PRKN: variants seen among roughly 807,000 people sequenced by gnomAD.
PRKN encodes the protein E3 ubiquitin-protein ligase parkin.
Under a neutral mutation model 59.5 loss-of-function variants are expected in PRKN, and 56 were observed. That is an observed-to-expected ratio of 0.94 (90% CI 0.76 to 1.18). The LOEUF (loss-of-function observed/expected upper bound fraction) is 1.18. PRKN is among the 50% of genes most tolerant of loss of function. PRKN has a pLI of 0.00. For missense variants in PRKN, 657 were observed against 596.4 expected (o/e 1.10, Z -1.06); for synonymous variants, 250 against 222.1 (o/e 1.13, Z -1.12).
Position 161,447,740 on chromosome 6 carries a change from G to A in PRKN, c.1084-60863C>T, listed in dbSNP as rs1018748814. On this transcript the variant is annotated intron_variant, in intron 9 of 11. Transcript: ENST00000366898. This position sits in a 1 kb window ranked among gnomAD's most constrained non-coding sequence, Gnocchi z 4.1. ...GATCTCCTGACCTCATGATCAGCCCGCCTCGGCCTCCCAATGTGCTGGGAT... is the reference window on the plus strand; with the variant it reads ...GATCTCCTGACCTCATGATCAGCCCACCTCGGCCTCCCAATGTGCTGGGAT... 3.9e-5 allele frequency among the ~76,000 whole-genome samples: 6 copies of A among 152,116 alleles called. No homozygotes were observed. The highest frequency in any genetic ancestry group is 1.3e-4 in the Admixed American group (2 of 15,270).
In PRKN at chr6:161,687,769, T is replaced by C. The variant is rs948824940; in HGVS notation, c.871+98003A>G. On this transcript the variant is annotated intron_variant, in intron 7 of 11. Transcript: ENST00000366898. ...CCGCGCCGGGCCAAGATATATCTAT[T>C]AAAAATATATTAAACATGTTTTCCT... Among the ~76,000 whole-genome samples, 3 of 152,230 alleles carry C rather than the reference T, an allele frequency of 2.0e-5. No individual in the cohort carries two copies. The East Asian group carries it at 5.8e-4, about 30-fold the overall frequency.
chr6:161,490,312 G>T (rs576909889), intron 9 of PRKN, among the ~76,000 whole-genome samples: 1,564 of 24,068 alleles, frequency 0.065, 30 homozygotes, highest in African/African-American at 0.11. Context: ...TTTCTTTCTT[G>T]CTTGCTTGCT....
At chr6:161,976,026 T>C (rs755750966) in intron 5 of PRKN, among the ~76,000 whole-genome samples, 23 of 152,076 alleles carry the variant, frequency 1.5e-4, no homozygotes, top group Non-Finnish European at 2.2e-4. Context: ...CCTCCTTGGC[T>C]TCCCGAGTAG....
chr6:162,566,540 G>T (rs1178455701), intron 1 of PRKN, among the ~76,000 whole-genome samples: 1 of 151,998 alleles, frequency 6.6e-6, no homozygotes, highest in Admixed American at 6.6e-5. Context: ...AGAAGAAGTG[G>T]ACAAATTCCT....
rs146876667 is a variant in PRKN at position 162,217,765 on chromosome 6, C to T, written c.413-16513G>A. Reference sequence around the variant, plus strand: ...TAAGATTCTACTGAGAAGCACAATTCCTATTAGCGCAAGGGAGACAAAAAC... The same window carrying T: ...TAAGATTCTACTGAGAAGCACAATTTCTATTAGCGCAAGGGAGACAAAAAC... On this transcript the variant is annotated intron_variant, in intron 3 of 11. Coordinates refer to ENST00000366898, the MANE Select transcript of PRKN (RefSeq NM_004562.3). Among the ~76,000 whole-genome samples, 10 of 152,200 alleles carry T rather than the reference C, an allele frequency of 6.6e-5. No homozygotes were observed. The East Asian group carries it at 1.5e-3, about 24-fold the overall frequency.
At position 161,355,515 on chromosome 6, in the gene PRKN, T is replaced by C. The variant is rs571587445; in HGVS notation, c.1285+4573A>G. Among the ~76,000 whole-genome samples the C allele has an allele frequency of 3.8e-4, 58 of 152,142 alleles. No individual in the cohort carries two copies. Among genetic ancestry groups the C allele is most frequent in the African/African-American group, 1.1e-3 (46 of 41,514 alleles). On this transcript the variant is annotated intron_variant, in intron 11 of 11. Coordinates refer to ENST00000366898, the MANE Select transcript of PRKN (RefSeq NM_004562.3). The surrounding 1 kb of genome is among the most constrained non-coding windows in gnomAD (Gnocchi z 6.8). ...CTCCTGGGTTCAACCAATTCTTGTG[T>C]CTCGGCCTCCCGAGTAGCTGGGATC...
chr6:162,213,309 C>T (rs996435263), intron 3 of PRKN, among the ~76,000 whole-genome samples: 2 of 152,110 alleles, frequency 1.3e-5, no homozygotes, highest in Non-Finnish European at 2.9e-5. Context: ...AATAATGAAA[C>T]AATCAAGACA....
chr6:161,949,731 T>C (rs566302987), intron 6 of PRKN, among the ~76,000 whole-genome samples: 4 of 152,294 alleles, frequency 2.6e-5, no homozygotes, highest in Admixed American at 2.0e-4. Flanking sequence ...CTTCCAGGGA[T>C]GACTAACCAC....
At chr6:161,437,918 G>A (rs1789001720) in intron 9 of PRKN, among the ~76,000 whole-genome samples, 1 of 152,130 alleles carries the variant, frequency 6.6e-6, no homozygotes, top group Non-Finnish European at 1.5e-5. Flanking sequence ...CCAAAGGCAG[G>A]TTGCTGGTGA....
In PRKN at chr6:161,893,981, T is replaced by C. The variant is rs377606647; in HGVS notation, c.734+79321A>G. ...AATTATTTTTGAATGAACAAACATA[T>C]GAAGTAAAAAGCCACATTCATTATC... On this transcript the variant is annotated intron_variant, in intron 6 of 11. Coordinates refer to ENST00000366898, the MANE Select transcript of PRKN (RefSeq NM_004562.3). Among the ~76,000 whole-genome samples the C allele has an allele frequency of 4.1e-4, 62 of 152,332 alleles. 2 individuals carry two copies. The South Asian group carries it at 0.012, about 30-fold the overall frequency.
intron 1 of PRKN, among the ~76,000 whole-genome samples, chr6:162,705,306 TACC>T (rs1410225581): frequency 2.0e-5 from 3 of 152,300 alleles, no homozygotes; most frequent in South Asian, 2.1e-4. Flanking sequence ...GAAGCAGCTA[TACC>T]ACCACATCAT....
intron 2 of PRKN, among the ~76,000 whole-genome samples, chr6:162,379,647 G>A (rs1786319167): frequency 6.6e-6 from 1 of 152,140 alleles, no homozygotes; most frequent in African/African-American, 2.4e-5. Context: ...TCTGGCTGGT[G>A]AAGCCAAAGG....
At chr6:162,100,735 C>G (rs563928715) in intron 4 of PRKN, among the ~76,000 whole-genome samples, 33 of 152,166 alleles carry the variant, frequency 2.2e-4, no homozygotes, top group Non-Finnish European at 4.6e-4. Context: ...AGCCACCGTG[C>G]CCGGCCATCT....
rs1780064104 is a variant in PRKN, at chr6:161,552,492, T to TG, written c.934-3490_934-3489insC. Among the ~76,000 whole-genome samples, 3 of 113,512 alleles carry TG rather than the reference T, an allele frequency of 2.6e-5. No individual in the cohort carries two copies. The highest frequency in any genetic ancestry group is 8.9e-3 in the Middle Eastern group (2 of 224). The allele number at this position is 113,512 out of a possible 152,430, so 74.5% of individuals were successfully genotyped here. A position where few individuals can be genotyped will look rare whatever the true frequency, so the allele number is the denominator to read the frequency against. On this transcript the variant is annotated intron_variant, in intron 8 of 11. Transcript: ENST00000366898. The surrounding 1 kb of genome is among the most constrained non-coding windows in gnomAD (Gnocchi z 4.9). ...ACTGTGAATGATCTCACGGTGATCC[T>TG]CCAAGCCCCTCTCCCTCAGCTCTGC...
intron 1 of PRKN, among the ~76,000 whole-genome samples, chr6:162,726,761 C>G (rs1322742065): frequency 6.6e-6 from 1 of 152,166 alleles, no homozygotes; most frequent in Non-Finnish European, 1.5e-5. Context: ...AATAAACAAG[C>G]TCACTAAACC....
chr6:162,206,674 G>C (rs1784954907), intron 3 of PRKN, among the ~76,000 whole-genome samples: 1 of 152,188 alleles, frequency 6.6e-6, no homozygotes, highest in Admixed American at 6.5e-5. Flanking sequence ...CTGTGGAATA[G>C]ATGCATGGCC....
At chr6:162,034,024 C>T (rs1308582795) in intron 5 of PRKN, among the ~76,000 whole-genome samples, 4 of 151,720 alleles carry the variant, frequency 2.6e-5, no homozygotes, top group Admixed American at 1.3e-4. Context: ...GTAGTATAAA[C>T]GATCTTTGGG....
chr6:162,410,873 T>C (rs1554317336), intron 2 of PRKN, among the ~76,000 whole-genome samples: 1 of 152,166 alleles, frequency 6.6e-6, no homozygotes, highest in Admixed American at 6.5e-5. Context: ...GGATGAGGAC[T>C]GTGACAGGGA....
chr6:161,431,754 A>G (rs747619936), intron 9 of PRKN, among the ~76,000 whole-genome samples: 1 of 151,978 alleles, frequency 6.6e-6, no homozygotes, highest in Non-Finnish European at 1.5e-5. Flanking sequence ...CTGGGATTAC[A>G]GGCGCCTGCC....
Sources: gnomAD v4.1 joint callset for allele counts (sites outside exome capture counted in the v4.1 genomes callset) on GRCh38, gnomAD v4.1.1 for gene constraint, Gnocchi (gnomAD v3.1) non-coding constraint, MANE v1.5 for transcripts, NCBI Gene and HGNC (gene_info 2026-07-23, HGNC 2026-07-21) for gene names.